The following PCDH15 variants were observed in gnomAD, a reference collection of about 807,000 sequenced individuals.
PCDH15 encodes the protein protocadherin related 15.
Under a neutral mutation model 178.5 loss-of-function variants are expected in PCDH15, and 129 were observed. That is an observed-to-expected ratio of 0.72 (90% CI 0.63 to 0.84). The LOEUF is 0.84. PCDH15 is among the 40% of genes least tolerant of loss of function. The probability of loss-of-function intolerance (pLI) is 0.00; values close to 1 mark genes in which losing one functional copy is unlikely to be tolerated. For missense variants in PCDH15, 2,230 were observed against 2,099.9 expected (o/e 1.06, Z -1.21); for synonymous variants, 800 against 732.0 (o/e 1.09, Z -1.50).
intron 1 of PCDH15, among the ~76,000 whole-genome samples, chr10:55,200,370 G>T (rs1033303224): frequency 6.6e-6 from 1 of 152,076 alleles, no homozygotes; most frequent in Non-Finnish European, 1.5e-5. Flanking sequence ...CTTTATTTGG[G>T]CCAATTTCTC....
At chr10:54,393,707 T>A (rs1299373380) in intron 3 of PCDH15, among the ~76,000 whole-genome samples, 1 of 152,216 alleles carries the variant, frequency 6.6e-6, no homozygotes, top group Non-Finnish European at 1.5e-5. Context: ...CCACCATTCC[T>A]GATCCAAACA....
chr10:54,752,512 AC>A (rs1566128250), intron 1 of PCDH15, among the ~76,000 whole-genome samples: 3,571 of 83,936 alleles, frequency 0.043, 535 homozygotes, highest in African/African-American at 0.07. Flanking sequence ...AAAACAAAAA[AC>A]AAACAAACAA....
At chr10:55,477,134 C>T (rs919965459) in intron 2 of PCDH15, among the ~76,000 whole-genome samples, 4 of 151,880 alleles carry the variant, frequency 2.6e-5, no homozygotes, top group African/African-American at 9.7e-5. Context: ...GATACCCCTA[C>T]CTCCTCCCCA....
At chr10:53,961,504 T>C (rs951853695) in intron 22 of PCDH15, among the ~76,000 whole-genome samples, 5 of 152,074 alleles carry the variant, frequency 3.3e-5, no homozygotes, top group African/African-American at 1.2e-4. Context: ...TATATATTTG[T>C]GTTTGTATGA....
chr10:54,378,983 A>T lies in PCDH15; in HGVS notation c.158-41T>A, dbSNP rs199911479. On this transcript the variant is annotated intron_variant, in intron 3 of 37. Coordinates refer to ENST00000644397, the MANE Select transcript of PCDH15 (RefSeq NM_001384140.1). ...AGGTACTTGAAAACATATTCTACTC[A>T]TATGAATTCTTTAGCAAAGATCATG... is the stretch of plus-strand genomic sequence containing the variant. 5.3e-5 allele frequency: 85 copies of T among 1,608,404 alleles called. No homozygotes were observed. In the African/African-American group the frequency reaches 9.5e-4, roughly 18 times the overall value.
chr10:54,139,632 C>A (rs904564580), intron 14 of PCDH15, among the ~76,000 whole-genome samples: 11 of 151,870 alleles, frequency 7.2e-5, no homozygotes, highest in Admixed American at 7.2e-4. Context: ...GTTTTGTTCA[C>A]TAAAATTTAA....
At chr10:55,089,628 G>T (rs1480270201) in intron 2 of PCDH15, among the ~76,000 whole-genome samples, 1 of 152,014 alleles carries the variant, frequency 6.6e-6, no homozygotes, top group Non-Finnish European at 1.5e-5. Context: ...ATTACAAATT[G>T]AAAGCAACTG....
At chr10:55,530,508 G>C (rs978677396) in intron 2 of PCDH15, among the ~76,000 whole-genome samples, 3 of 151,882 alleles carry the variant, frequency 2.0e-5, no homozygotes, top group Non-Finnish European at 4.4e-5. Flanking sequence ...CTATGATTTT[G>C]CTTTGCTCAG....
At chr10:54,111,571 T>C (rs916761845) in intron 15 of PCDH15, among the ~76,000 whole-genome samples, 12 of 152,126 alleles carry the variant, frequency 7.9e-5, no homozygotes, top group Admixed American at 2.0e-4. Context: ...GATAGGTCAT[T>C]TATAAGAAGG....
intron 3 of PCDH15, among the ~76,000 whole-genome samples, chr10:54,438,441 C>T (rs752942845): frequency 1.3e-5 from 2 of 151,930 alleles, no homozygotes; most frequent in Non-Finnish European, 2.9e-5. Flanking sequence ...TAACACTTGC[C>T]AGCGGATACC....
chr10:54,066,313 A>G (rs2094136388), intron 18 of PCDH15, among the ~76,000 whole-genome samples: 1 of 152,188 alleles, frequency 6.6e-6, no homozygotes, highest in African/African-American at 2.4e-5. Flanking sequence ...CTACGAGTAA[A>G]TCTTCTGAGT....
intron 2 of PCDH15, among the ~76,000 whole-genome samples, chr10:54,651,920 T>C (rs1211169710): frequency 6.6e-6 from 1 of 152,000 alleles, no homozygotes; most frequent in Non-Finnish European, 1.5e-5. Flanking sequence ...TAAAATTATT[T>C]ATTTATTTCA....
intron 7 of PCDH15, among the ~76,000 whole-genome samples, chr10:54,329,060 C>G (rs1159864): frequency 0.22 from 33,669 of 151,730 alleles, 3,849 homozygotes; most frequent in African/African-American, 0.27. Flanking sequence ...CATACATTAG[C>G]ATAAACTTCA....
intron 1 of PCDH15, among the ~76,000 whole-genome samples, chr10:54,798,118 C>T (rs887700041): frequency 2.0e-5 from 3 of 151,962 alleles, no homozygotes; most frequent in Non-Finnish European, 2.9e-5. Flanking sequence ...GGGTGATTTA[C>T]ACCTCTGGAA....
intron 26 of PCDH15, among the ~76,000 whole-genome samples, chr10:53,894,041 A>C (rs2081777014): frequency 6.6e-6 from 1 of 152,162 alleles, no homozygotes; most frequent in East Asian, 1.9e-4. Context: ...AAATTATTGA[A>C]ATAAAATAAA....
At chr10:54,331,806 C>T (rs1939652237) in intron 6 of PCDH15, among the ~76,000 whole-genome samples, 1 of 151,972 alleles carries the variant, frequency 6.6e-6, no homozygotes, top group Non-Finnish European at 1.5e-5. Context: ...GACATTGTGC[C>T]TCAGAGGAGG....
In PCDH15 at chr10:53,806,795, A is replaced by C; in HGVS notation, c.5007T>G (p.Thr1669=). 3 of 1,613,778 alleles carry C rather than the reference A, an allele frequency of 1.9e-6. No homozygotes were observed. The highest frequency in any genetic ancestry group is 1.3e-5 in the African/African-American group (1 of 74,986). The change falls in exon 38 of 38, where the codon ACT becomes ACG. Residue 1669 remains threonine (T), a synonymous_variant. Transcript: ENST00000644397. ...FSTEKMNARP[T]LVTFAPCPVG... Reference sequence around the variant, plus strand: ...CAGGGCAAGGGGCAAATGTAACCAGAGTTGGTCTTGCATTCATTTTTTCAG... The same window carrying C: ...CAGGGCAAGGGGCAAATGTAACCAGCGTTGGTCTTGCATTCATTTTTTCAG...
At chr10:54,998,782 C>T (rs1421706618) in intron 2 of PCDH15, among the ~76,000 whole-genome samples, 1 of 152,122 alleles carries the variant, frequency 6.6e-6, no homozygotes, top group Non-Finnish European at 1.5e-5. Flanking sequence ...AGCACTACAA[C>T]ATTTACTTGT....
intron 15 of PCDH15, among the ~76,000 whole-genome samples, chr10:54,091,431 T>A (rs1208833976): frequency 6.6e-6 from 1 of 152,122 alleles, no homozygotes; most frequent in Non-Finnish European, 1.5e-5. Flanking sequence ...AGTGTGAAAT[T>A]CCCTGTCCAG....
Sources: allele counts gnomAD v4.1 joint callset (sites outside exome capture counted in the v4.1 genomes callset), GRCh38; gene constraint gnomAD v4.1.1; transcripts MANE v1.5; gene names NCBI Gene and HGNC (gene_info 2026-07-23, HGNC 2026-07-21).